MGAT4C: variants seen among roughly 807,000 people sequenced by gnomAD.
MGAT4C encodes the protein alpha-1,3-mannosyl-glycoprotein 4-beta-N-acetylglucosaminyltransferase C.
A neutral mutation model predicts 40.1 loss-of-function variants in MGAT4C; 19 were observed. The ratio of observed to expected loss-of-function variants is 0.47; its 90% CI spans 0.33 to 0.70. The LOEUF (loss-of-function observed/expected upper bound fraction) is 0.70, where lower values mean the gene tolerates loss of function less well. MGAT4C is among the 30% of genes least tolerant of loss of function. The pLI, the probability that MGAT4C is intolerant of heterozygous loss-of-function variation, is 0.02. For synonymous variants in MGAT4C, 181 were observed against 187.1 expected (o/e 0.97, Z 0.27); for missense variants, 491 against 563.2 (o/e 0.87, Z 1.30).
chr12:86,755,854 C>A (rs1257233704), intron 1 of MGAT4C, among the ~76,000 whole-genome samples: 1 of 151,764 alleles, frequency 6.6e-6, no homozygotes, highest in Non-Finnish European at 1.5e-5. Context: ...CATCATGTTG[C>A]CCAGTCTAGT....
At chr12:86,784,367 C>G (rs965976330) in intron 1 of MGAT4C, among the ~76,000 whole-genome samples, 1 of 151,950 alleles carries the variant, frequency 6.6e-6, no homozygotes, top group African/African-American at 2.4e-5. Context: ...CTTCATTACT[C>G]TTGTATTTTC....
At chr12:86,217,495 T>C (rs1485745602) in intron 1 of MGAT4C, among the ~76,000 whole-genome samples, 1 of 150,602 alleles carries the variant, frequency 6.6e-6, no homozygotes, top group African/African-American at 2.5e-5. Flanking sequence ...TGTGACTGTT[T>C]GTAAACATGT....
At chr12:86,262,169 T>C (rs1194558958) in intron 4 of MGAT4C, among the ~76,000 whole-genome samples, 1 of 152,072 alleles carries the variant, frequency 6.6e-6, no homozygotes, top group Non-Finnish European at 1.5e-5. Flanking sequence ...AAATGACAAG[T>C]TTCAGTCCCA....
At chr12:86,765,617 A>C (rs1047204046) in intron 1 of MGAT4C, among the ~76,000 whole-genome samples, 4 of 152,212 alleles carry the variant, frequency 2.6e-5, no homozygotes, top group East Asian at 1.9e-4. Context: ...AGCCAGAGAG[A>C]AAGGTCGGGT....
intron 3 of MGAT4C, among the ~76,000 whole-genome samples, chr12:86,401,712 A>G (rs1301546980): frequency 6.6e-6 from 1 of 152,202 alleles, no homozygotes; most frequent in Non-Finnish European, 1.5e-5. Context: ...ACATTATAAC[A>G]TTAGCAACAT....
In MGAT4C at chr12:86,322,115, TC is replaced by T. The variant is rs1954405253; in HGVS notation, c.-57+11949del. On this transcript the variant is annotated intron_variant, in intron 4 of 7. Coordinates refer to the MGAT4C transcript ENST00000548651. ...GGAAACCATCATTCTGAGCAAACTA[TC>T]ACAAGGACAGAAAACCAAACACCGC... Among the ~76,000 whole-genome samples the T allele has an allele frequency of 2.7e-5, 4 of 150,894 alleles. No individual in the cohort carries two copies. In the South Asian group the frequency reaches 8.4e-4, roughly 32 times the overall value.
intron 1 of MGAT4C, among the ~76,000 whole-genome samples, chr12:86,217,423 G>A (rs183046438): frequency 6.6e-6 from 1 of 152,188 alleles, no homozygotes; most frequent in Admixed American, 6.5e-5. Flanking sequence ...TGATCCACCC[G>A]CCTCGACCTC....
At chr12:86,424,852 G>T (rs1956895741) in intron 3 of MGAT4C, among the ~76,000 whole-genome samples, 1 of 152,120 alleles carries the variant, frequency 6.6e-6, no homozygotes, top group African/African-American at 2.4e-5. Context: ...TGCCTCCAGG[G>T]TTCAAGCAAT....
At chr12:86,341,148 G>A (rs750327912) in intron 3 of MGAT4C, among the ~76,000 whole-genome samples, 1 of 152,094 alleles carries the variant, frequency 6.6e-6, no homozygotes, top group Non-Finnish European at 1.5e-5. Flanking sequence ...AGAGAATGAA[G>A]CAAAGCAAGA....
chr12:86,094,061 G>T (rs1873419901), intron 1 of MGAT4C, among the ~76,000 whole-genome samples: 2 of 152,122 alleles, frequency 1.3e-5, no homozygotes, highest in Admixed American at 6.6e-5. Context: ...TTTAGAGATT[G>T]TGTAAAATAT....
intron 1 of MGAT4C, among the ~76,000 whole-genome samples, chr12:86,727,424 C>T (rs529501549): frequency 5.9e-5 from 9 of 152,056 alleles, no homozygotes; most frequent in African/African-American, 1.9e-4. Flanking sequence ...AGCTGGCAAG[C>T]TTGCAATATA....
At chr12:86,566,552 ATATATATATATATATATATATATG>A (rs1473601664) in intron 2 of MGAT4C, among the ~76,000 whole-genome samples, 1 of 110,770 alleles carries the variant, frequency 9.0e-6, no homozygotes, top group African/African-American at 4.6e-5. Context: ...ATATATATAT[ATATATATATATATATATATATATG>A]TATATGTATA....
chr12:86,714,810 G>GAAGA (rs1451034316), intron 2 of MGAT4C, among the ~76,000 whole-genome samples: 2 of 151,596 alleles, frequency 1.3e-5, no homozygotes, highest in Non-Finnish European at 2.9e-5. Context: ...AGGAAGGAAG[G>GAAGA]AAGGAAAGAA....
At chr12:86,681,018 A>G (rs2136579572) in intron 2 of MGAT4C, among the ~76,000 whole-genome samples, 1 of 152,098 alleles carries the variant, frequency 6.6e-6, no homozygotes, top group Non-Finnish European at 1.5e-5. Flanking sequence ...AATTTATTTC[A>G]AAACCTCCTT....
intron 1 of MGAT4C, among the ~76,000 whole-genome samples, chr12:86,244,915 T>C (rs1429165362): frequency 6.6e-6 from 1 of 152,196 alleles, no homozygotes; most frequent in Non-Finnish European, 1.5e-5. Context: ...TTATCCAGCA[T>C]GTACTGTGTC....
rs555253766 is a variant in MGAT4C at position 86,307,797 on chromosome 12, G to T, written c.-57+26268C>A. On this transcript the variant is annotated intron_variant, in intron 4 of 7. Transcript: ENST00000548651. ...GGCTCGCTGCAAGCTCCACCTCCCG[G>T]GTTCACGCCATTCTCCTGCCTCAGC... Among the ~76,000 whole-genome samples the T allele has an allele frequency of 3.4e-3, 503 of 150,080 alleles. 36 individuals are homozygous for T. Among genetic ancestry groups the T allele is most frequent in the African/African-American group, 0.012 (488 of 39,702 alleles).
chr12:85,983,677 A>T lies in MGAT4C; in HGVS notation c.148-7T>A. The T allele has an allele frequency of 1.1e-5, 17 of 1,551,164 alleles. No individual in the cohort carries two copies. The highest frequency in any genetic ancestry group is 1.4e-5 in the Non-Finnish European group (16 of 1,152,788). On this transcript the variant is annotated splice_polypyrimidine_tract_variant and splice_region_variant and intron_variant, in intron 3 of 4. Coordinates refer to ENST00000611864, the MANE Select transcript of MGAT4C (RefSeq NM_001351288.2). The stretch of plus-strand genomic sequence containing the variant: ...TAAGTTGTTTGTCTCCTTCCTAAAT[A>T]CCAAGAAAGAAGCAAGGAAAATATA...
chr12:86,296,503 G>T (rs1953681687), intron 4 of MGAT4C, among the ~76,000 whole-genome samples: 1 of 152,236 alleles, frequency 6.6e-6, no homozygotes, highest in African/African-American at 2.4e-5. Flanking sequence ...ATGGAGGTGG[G>T]GGACGGCTCA....
At chr12:86,486,346 A>C (rs1958018340) in intron 2 of MGAT4C, among the ~76,000 whole-genome samples, 1 of 149,988 alleles carries the variant, frequency 6.7e-6, no homozygotes, top group Non-Finnish European at 1.5e-5. Context: ...GTACAGGTTC[A>C]ACATAAAAGA....
Sources: gnomAD v4.1 joint callset for allele counts (sites outside exome capture counted in the v4.1 genomes callset) on GRCh38, gnomAD v4.1.1 for gene constraint, MANE v1.5 for transcripts, NCBI Gene and HGNC (gene_info 2026-07-23, HGNC 2026-07-21) for gene names.